The following ERC2 variants were observed in gnomAD, a reference collection of about 807,000 sequenced individuals.
ERC2 encodes ERC protein 2.
A neutral mutation model predicts 114.8 loss-of-function variants in ERC2; 42 were observed. The ratio of observed to expected loss-of-function variants is 0.37; its 90% CI spans 0.29 to 0.47. The LOEUF (loss-of-function observed/expected upper bound fraction) is 0.47, where lower values mean the gene tolerates loss of function less well. Ranked by LOEUF, ERC2 falls within the 20% of genes least tolerant of loss-of-function variation. ERC2 has a pLI of 0.99. For synonymous variants in ERC2, 454 were observed against 425.5 expected (o/e 1.07, Z -0.82); for missense variants, 939 against 1,150.7 (o/e 0.82, Z 2.66).
chr3:55,838,694 T>C (rs1026837397), intron 14 of ERC2, among the ~76,000 whole-genome samples: 17 of 151,820 alleles, frequency 1.1e-4, no homozygotes, highest in Non-Finnish European at 2.5e-4. Flanking sequence ...TTGATAAATC[T>C]CTAGGCATAC....
intron 1 of ERC2, among the ~76,000 whole-genome samples, chr3:56,438,812 C>A (rs1244193976): frequency 6.6e-6 from 1 of 152,130 alleles, no homozygotes; most frequent in Admixed American, 6.5e-5. Context: ...CAGATTTAAT[C>A]CTCAGTGAAT....
At chr3:56,405,395 C>A (rs573364278) in intron 2 of ERC2, among the ~76,000 whole-genome samples, 104 of 151,922 alleles carry the variant, frequency 6.8e-4, no homozygotes, top group African/African-American at 2.4e-3. Flanking sequence ...CCACTGCATT[C>A]CAGCCTGAGT....
At chr3:55,960,215 G>A (rs1031013584) in intron 12 of ERC2, among the ~76,000 whole-genome samples, 2 of 152,112 alleles carry the variant, frequency 1.3e-5, no homozygotes, top group African/African-American at 4.8e-5. Flanking sequence ...ATCTTCCAAC[G>A]GCTTCCCTTT....
At chr3:56,136,458 T>C (rs1176118121) in intron 6 of ERC2, among the ~76,000 whole-genome samples, 1 of 152,092 alleles carries the variant, frequency 6.6e-6, no homozygotes, top group Non-Finnish European at 1.5e-5. Context: ...GGTTCACGGA[T>C]ACATGTGTGG....
chr3:55,871,910 A>G (rs572362012), intron 14 of ERC2, among the ~76,000 whole-genome samples: 5 of 152,220 alleles, frequency 3.3e-5, no homozygotes, highest in Admixed American at 6.5e-5. Context: ...CCTCTACTTT[A>G]AAGAGTTTGT....
intron 10 of ERC2, among the ~76,000 whole-genome samples, chr3:55,998,240 T>TTC (rs200652297): frequency 6.6e-6 from 1 of 151,516 alleles, no homozygotes; most frequent in African/African-American, 2.4e-5. Context: ...CTCTCTCTCT[T>TTC]TCTCTCTCTC....
chr3:55,620,389 C>A (rs979022355), intron 17 of ERC2, among the ~76,000 whole-genome samples: 3 of 152,118 alleles, frequency 2.0e-5, no homozygotes, highest in Admixed American at 1.3e-4. Flanking sequence ...AACTTTTAAA[C>A]CCTGCTTTGA....
rs543722847 is a variant in ERC2 at position 55,923,139 on chromosome 3, T to C, written c.2403+27286A>G. Among the ~76,000 whole-genome samples the C allele has an allele frequency of 1.1e-4, 17 of 152,224 alleles. No individual in the cohort carries two copies. In the East Asian group the frequency reaches 2.3e-3, roughly 21 times the overall value. On this transcript the variant is annotated intron_variant, in intron 13 of 17. Coordinates refer to ENST00000288221, the MANE Select transcript of ERC2 (RefSeq NM_015576.3). ...GAAGTAGAAACAACCCAAGTGTCTA[T>C]TGAAGATGAATGAATAAACAAAATG...
At chr3:56,048,303 C>G (rs1236573623) in intron 7 of ERC2, among the ~76,000 whole-genome samples, 3 of 152,174 alleles carry the variant, frequency 2.0e-5, no homozygotes, top group African/African-American at 7.2e-5. Flanking sequence ...CGTAACAAGT[C>G]TATGATTTGG....
At chr3:56,032,917 A>AC (rs1560056305) in intron 7 of ERC2, among the ~76,000 whole-genome samples, 1 of 75,966 alleles carries the variant, frequency 1.3e-5, no homozygotes. Context: ...GAAAGAAAGA[A>AC]AGAAAGAAAG....
chr3:56,209,990 C>G (rs1009256048), intron 3 of ERC2, among the ~76,000 whole-genome samples: 1 of 152,212 alleles, frequency 6.6e-6, no homozygotes, highest in East Asian at 1.9e-4. Context: ...AAACCCCAAG[C>G]AGAAACCTTT....
At chr3:55,582,047 C>T (rs1015602895) in intron 17 of ERC2, among the ~76,000 whole-genome samples, 1 of 152,210 alleles carries the variant, frequency 6.6e-6, no homozygotes, top group African/African-American at 2.4e-5. Context: ...TCTGTACAAG[C>T]TGTTCCCCCT....
At chr3:56,134,337 C>CT (rs1162400424) in intron 6 of ERC2, among the ~76,000 whole-genome samples, 1 of 152,144 alleles carries the variant, frequency 6.6e-6, no homozygotes, top group African/African-American at 2.4e-5. Flanking sequence ...AATCAGTTCT[C>CT]TAACATATAT....
At chr3:55,757,606 A>G (rs2067142430) in intron 14 of ERC2, among the ~76,000 whole-genome samples, 1 of 152,158 alleles carries the variant, frequency 6.6e-6, no homozygotes, top group Non-Finnish European at 1.5e-5. Context: ...ATTTCACAGG[A>G]TTGCTGTGAG....
At chr3:55,553,791 A>G (rs1326508073) in intron 17 of ERC2, among the ~76,000 whole-genome samples, 1 of 152,092 alleles carries the variant, frequency 6.6e-6, no homozygotes, top group Non-Finnish European at 1.5e-5. Context: ...AAAAAAAAAG[A>G]AATGGCAGCA....
intron 17 of ERC2, among the ~76,000 whole-genome samples, chr3:55,541,186 A>C (rs1023504579): frequency 1.3e-5 from 2 of 152,228 alleles, no homozygotes; most frequent in African/African-American, 4.8e-5. Context: ...CTTGAAAAAC[A>C]TCAACCTCCC....
intron 7 of ERC2, among the ~76,000 whole-genome samples, chr3:56,032,901 CAGAAAGAAAGAAAGAAAGAAAGAAAGAA>C (rs200940238): frequency 8.1e-5 from 3 of 36,924 alleles, no homozygotes; most frequent in African/African-American, 2.5e-4. Flanking sequence ...GAGAGAGAGA[CAGAAAGAAAGAAAGAAAGAAAGAAAGAA>C]AGAAAGAAAG....
chr3:56,459,749 A>G (rs1052685176), intron 1 of ERC2, among the ~76,000 whole-genome samples: 2 of 151,982 alleles, frequency 1.3e-5, no homozygotes, highest in Admixed American at 1.3e-4. Context: ...AAAAATAACC[A>G]CTTAGTTCCT....
intron 14 of ERC2, among the ~76,000 whole-genome samples, chr3:55,860,717 C>T (rs1230356773): frequency 6.6e-6 from 1 of 152,184 alleles, no homozygotes; most frequent in Non-Finnish European, 1.5e-5. Context: ...AATTGCTGAT[C>T]AAATACCAGA....
Sources: gnomAD v4.1 joint callset for allele counts (sites outside exome capture counted in the v4.1 genomes callset) on GRCh38, gnomAD v4.1.1 for gene constraint, MANE v1.5 for transcripts, NCBI Gene and HGNC (gene_info 2026-07-23, HGNC 2026-07-21) for gene names.